The following PRMT3 variants were observed in gnomAD, a reference collection of about 807,000 sequenced individuals.
The protein encoded by PRMT3 is protein arginine methyltransferase 3, also known as protein arginine N-methyltransferase 3.
PRMT3 carries 62 observed loss-of-function variants against 71.9 expected under a neutral mutation model. The ratio of observed to expected loss-of-function variants is 0.86; its 90% confidence interval spans 0.70 to 1.07. The LOEUF (loss-of-function observed/expected upper bound fraction) is 1.07, where lower values mean the gene tolerates loss of function less well. Among genes scored for constraint, PRMT3 ranks in the 50% least tolerant of loss-of-function variants. The pLI is 0.00. For missense variants in PRMT3, 663 were observed against 643.0 expected (o/e 1.03, Z -0.34); for synonymous variants, 213 against 220.4 (o/e 0.97, Z 0.30).
At position 20,414,745 on chromosome 11, in the gene PRMT3, G is replaced by A. The variant is rs555911137; in HGVS notation, c.893+6713G>A. 2.0e-5 allele frequency among the ~76,000 whole-genome samples: 3 copies of A among 152,092 alleles called. No homozygotes were observed. The South Asian group carries it at 6.2e-4, about 31-fold the overall frequency. On this transcript the variant is annotated intron_variant, in intron 9 of 15. Coordinates refer to ENST00000331079, the MANE Select transcript of PRMT3 (RefSeq NM_005788.4). The stretch of plus-strand genomic sequence containing the variant: ...CCATAATGCAGTACACTCAATCTCA[G>A]TTTGACATTAAAGATGCAATCTTTT...
chr11:20,391,222 C>T (rs183066535), intron 3 of PRMT3, among the ~76,000 whole-genome samples: 1 of 152,174 alleles, frequency 6.6e-6, no homozygotes, highest in East Asian at 1.9e-4. Context: ...GCATAAATGA[C>T]AGCCTCATTT....
chr11:20,430,004 G>A (rs1192587742), intron 10 of PRMT3, among the ~76,000 whole-genome samples: 1 of 152,148 alleles, frequency 6.6e-6, no homozygotes, highest in East Asian at 1.9e-4. Context: ...ACAAAGGGCA[G>A]GTATGCTTTC....
chr11:20,483,812 G>A lies in PRMT3; in HGVS notation c.1348-10107G>A, dbSNP rs547252288. On this transcript the variant is annotated intron_variant, in intron 13 of 15. Coordinates refer to ENST00000331079, the MANE Select transcript of PRMT3 (RefSeq NM_005788.4). ...CTCTTCCTTTCCCTGATCCCTGCTC[G>A]TCTTTAAGGTTTTTACTTTAAGTAT... 3.9e-5 allele frequency among the ~76,000 whole-genome samples: 6 copies of A among 152,258 alleles called. No individual in the cohort carries two copies. In the East Asian group the frequency reaches 5.8e-4, roughly 15 times the overall value.
intron 13 of PRMT3, among the ~76,000 whole-genome samples, chr11:20,477,531 G>T (rs1008747713): frequency 4.6e-5 from 7 of 151,340 alleles, no homozygotes; most frequent in African/African-American, 1.5e-4. Flanking sequence ...ACTCCAGCCT[G>T]GGTGACAGAG....
intron 15 of PRMT3, among the ~76,000 whole-genome samples, chr11:20,504,705 T>A (rs971733341): frequency 4.3e-4 from 47 of 109,386 alleles, no homozygotes; most frequent in Admixed American, 3.9e-3. Flanking sequence ...TGTGTGTGTG[T>A]GTGAGAGAGA....
At chr11:20,454,720 A>G (rs960618762) in intron 11 of PRMT3, among the ~76,000 whole-genome samples, 1 of 152,146 alleles carries the variant, frequency 6.6e-6, no homozygotes, top group African/African-American at 2.4e-5. Flanking sequence ...AAGATTTACC[A>G]AGTAATTAGT....
At chr11:20,501,349 G>A (rs1851453369) in intron 15 of PRMT3, among the ~76,000 whole-genome samples, 1 of 151,998 alleles carries the variant, frequency 6.6e-6, no homozygotes, top group South Asian at 2.1e-4. Flanking sequence ...AATATATATT[G>A]TCATTGAAAT....
intron 8 of PRMT3, chr11:20,405,518 C>T (rs1353742540): frequency 6.6e-6 from 1 of 152,174 alleles, no homozygotes; most frequent in Non-Finnish European, 1.5e-5. Context: ...TGAATGCAGG[C>T]CCTACAATTT....
At chr11:20,403,850 A>G (rs1420147237) in intron 8 of PRMT3, among the ~76,000 whole-genome samples, 1 of 152,104 alleles carries the variant, frequency 6.6e-6, no homozygotes, top group African/African-American at 2.4e-5. Flanking sequence ...CTCTAAGGTT[A>G]CTTCATGGGG....
At chr11:20,394,851 C>G (rs922611798) in intron 5 of PRMT3, among the ~76,000 whole-genome samples, 1 of 152,080 alleles carries the variant, frequency 6.6e-6, no homozygotes, top group Non-Finnish European at 1.5e-5. Context: ...GCTTATTTTG[C>G]TTCACATAAT....
At chr11:20,428,115 TAAAC>T (rs1338583332) in intron 10 of PRMT3, among the ~76,000 whole-genome samples, 1 of 152,120 alleles carries the variant, frequency 6.6e-6, no homozygotes, top group Non-Finnish European at 1.5e-5. Context: ...AGATTGGCCT[TAAAC>T]AACCTTTAGT....
At chr11:20,397,103 G>T (rs1176477593) in intron 6 of PRMT3, among the ~76,000 whole-genome samples, 17 of 152,082 alleles carry the variant, frequency 1.1e-4, no homozygotes, top group African/African-American at 4.1e-4. Context: ...GATCTGAGAG[G>T]GATCTAAGTT....
intron 13 of PRMT3, among the ~76,000 whole-genome samples, chr11:20,474,776 T>C (rs959203128): frequency 2.0e-5 from 3 of 152,220 alleles, no homozygotes; most frequent in African/African-American, 7.2e-5. Flanking sequence ...AGCGAGGCAA[T>C]GGTGCTCTTT....
intron 13 of PRMT3, among the ~76,000 whole-genome samples, chr11:20,480,820 T>C (rs7936067): frequency 0.97 from 147,853 of 152,210 alleles, 72,128 homozygotes; most frequent in African/African-American, 0.99. Flanking sequence ...GTTTCTTACA[T>C]GTACAATTTG....
At chr11:20,456,472 A>G (rs1222033690) in intron 11 of PRMT3, among the ~76,000 whole-genome samples, 2 of 152,200 alleles carry the variant, frequency 1.3e-5, no homozygotes, top group African/African-American at 4.8e-5. Flanking sequence ...GTTCTTTCCC[A>G]TGAATTGCTT....
At chr11:20,463,728 T>A (rs1159904904) in intron 12 of PRMT3, among the ~76,000 whole-genome samples, 1 of 152,202 alleles carries the variant, frequency 6.6e-6, no homozygotes, top group African/African-American at 2.4e-5. Context: ...TGGGTTATGA[T>A]CTACTCCTGG....
At chr11:20,430,049 T>C (rs1849623181) in intron 10 of PRMT3, among the ~76,000 whole-genome samples, 2 of 152,206 alleles carry the variant, frequency 1.3e-5, no homozygotes, top group East Asian at 3.8e-4. Context: ...GCGCATTGGC[T>C]GAAACAGTAG....
chr11:20,426,968 G>A, intron 10 of PRMT3, 103 bp downstream of exon 10: 1 of 1,395,988 alleles, frequency 7.2e-7, no homozygotes, highest in South Asian at 1.6e-5. Flanking sequence ...TGGCAGAATG[G>A]TGACATTATT....
chr11:20,506,913 A>G (rs1161150168), intron 15 of PRMT3, among the ~76,000 whole-genome samples: 1 of 152,260 alleles, frequency 6.6e-6, no homozygotes, highest in East Asian at 1.9e-4. Context: ...TGGAACCTAC[A>G]GAATTTAGGA....
Sources: gnomAD v4.1 joint callset for allele counts (sites outside exome capture counted in the v4.1 genomes callset) on GRCh38, gnomAD v4.1.1 for gene constraint, MANE v1.5 for transcripts, NCBI Gene and HGNC (gene_info 2026-07-23, HGNC 2026-07-21) for gene names.